The following OBSL1 variants were observed in gnomAD, a reference collection of about 807,000 sequenced individuals.
OBSL1 encodes obscurin-like protein 1.
OBSL1 carries 160 observed loss-of-function variants against 172.0 expected under a neutral mutation model. That is an observed-to-expected ratio of 0.93 (90% confidence interval 0.82 to 1.06). The LOEUF is 1.06. Among genes scored for constraint, OBSL1 ranks in the 50% least tolerant of loss-of-function variants. The probability of loss-of-function intolerance (pLI) is 0.00; values close to 1 mark genes in which losing one functional copy is unlikely to be tolerated. For synonymous variants in OBSL1, 1,200 were observed against 1,196.3 expected, an observed-to-expected ratio of 1.00 and a Z score of -0.06; for missense variants, 2,681 against 2,715.4, an observed-to-expected ratio of 0.99 and a Z score of 0.28.
At chr2:219,563,280 T>G in intron 7 of OBSL1, 75 bp downstream of exon 7, 1 of 1,417,348 alleles carries the variant, frequency 7.1e-7, no homozygotes, top group Non-Finnish European at 9.4e-7. Flanking sequence ...GGCCTGGGAG[T>G]GAAGGTGTGG....
rs767728612 is a variant in OBSL1, at chr2:219,557,864, G to GCTGCTCCAGACTGGCAGGTGTAGAGCC, written c.3722_3748dup (p.Gly1241_Ala1249dup). The GCTGCTCCAGACTGGCAGGTGTAGAGCC allele has an allele frequency of 1.0e-5, 16 of 1,601,040 alleles. No individual in the cohort carries two copies. In the East Asian group the frequency reaches 3.3e-4, roughly 33 times the overall value. On this transcript the variant is annotated inframe_insertion, in exon 11 of 21. Coordinates refer to ENST00000404537, the MANE Select transcript of OBSL1 (RefSeq NM_015311.3). ...GAAGCTGAGGCTTGGGGCTCCGGGG[G>GCTGCTCCAGACTGGCAGGTGTAGAGCC]CTGCTCCAGACTGGCAGGTGTAGAG...
At chr2:219,552,440 T>C (rs1477136617) in intron 18 of OBSL1, 96 bp downstream of exon 18, 2 of 1,301,184 alleles carry the variant, frequency 1.5e-6, no homozygotes, top group Non-Finnish European at 2.1e-6. Context: ...GCGGGGCCCG[T>C]CGGAGCCAGG....
At chr2:219,559,840 T>G (rs1159518846) in intron 8 of OBSL1, among the ~76,000 whole-genome samples, 2 of 152,130 alleles carry the variant, frequency 1.3e-5, no homozygotes, top group Non-Finnish European at 2.9e-5. Flanking sequence ...ATACAGAATC[T>G]TACAGATACA....
At chr2:219,553,509 C>T in intron 16 of OBSL1, 65 bp downstream of exon 16, 1 of 1,144,988 alleles carries the variant, frequency 8.7e-7, no homozygotes, top group Non-Finnish European at 1.3e-6. Flanking sequence ...TTAGCTGTTT[C>T]TGTCTGGGGC....
intron 8 of OBSL1, 85 bp downstream of exon 8, chr2:219,562,317 G>C (rs370018093): frequency 3.6e-5 from 54 of 1,511,830 alleles, no homozygotes; most frequent in African/African-American, 1.4e-5. Flanking sequence ...CCTCCTCCCC[G>C]GGGTGCTAGC....
chr2:219,570,298 T>C lies in OBSL1; in HGVS notation c.935A>G (p.Lys312Arg). 1 of 1,610,244 alleles carries C rather than the reference T, an allele frequency of 6.2e-7. No individual in the cohort carries two copies. The highest frequency in any genetic ancestry group is 2.2e-5 in the East Asian group (1 of 44,754). The stretch of plus-strand genomic sequence containing the variant: ...GGCGCAGACGTAGAGCCCACGATCC[T>C]TGGCCTGGCAGTAAAGCACCTTGAG... Reference protein sequence around the residue: ...FVLKVLYCQAKDRGLYVCAAR... With the variant: ...FVLKVLYCQARDRGLYVCAAR... Residue 312 changes from lysine to arginine, a missense_variant, in exon 1 of 21, where the codon AAG (lysine) becomes AGG (arginine). Lys to Arg is a conservative substitution (Grantham distance 26). Coordinates refer to ENST00000404537, the MANE Select transcript of OBSL1 (RefSeq NM_015311.3).
chr2:219,547,766 C>T, downstream of OBSL1: 1 of 1,594,636 alleles, frequency 6.3e-7, no homozygotes, highest in Non-Finnish European at 8.5e-7. Flanking sequence ...CTACTACCAG[C>T]CAGGCTCCGT....
In OBSL1 at chr2:219,550,737, G is replaced by A; in HGVS notation, c.*98C>T. On this transcript the variant is annotated 3_prime_UTR_variant, in exon 21 of 21. Coordinates refer to ENST00000404537, the MANE Select transcript of OBSL1 (RefSeq NM_015311.3). The stretch of plus-strand genomic sequence containing the variant: ...CAGAGAGGCAAGGAAATGAGCTGTA[G>A]CACTTTTATTGTTCCTTGTCTCTCT... 1 of 1,484,722 alleles carries A rather than the reference G, an allele frequency of 6.7e-7. No homozygotes were observed. Among genetic ancestry groups the A allele is most frequent in the Non-Finnish European group, 9.2e-7 (1 of 1,085,846 alleles). 92.0% of individuals were successfully genotyped at this position (1,484,722 alleles called of 1,614,324 possible). A position where few individuals can be genotyped will look rare whatever the true frequency, so the allele number is the denominator to read the frequency against.
At chr2:219,560,350 A>G (rs1696367063) in intron 8 of OBSL1, among the ~76,000 whole-genome samples, 1 of 152,184 alleles carries the variant, frequency 6.6e-6, no homozygotes, top group Non-Finnish European at 1.5e-5. Context: ...TTTGCATTCA[A>G]CGTCTGTCTG....
At position 219,568,294 on chromosome 2, in the gene OBSL1, T is replaced by A. The variant is rs747072111; in HGVS notation, c.1043A>T (p.Gln348Leu). Residue 348 changes from glutamine (Q) to leucine (L), a missense_variant, in exon 2 of 21, where the codon CAG (glutamine) becomes CTG (leucine). Around this residue, in one of 5 missense-constraint regions of OBSL1, gnomAD observed 706 missense variants for 695.8 expected, o/e 1.01. Coordinates refer to ENST00000404537, the MANE Select transcript of OBSL1 (RefSeq NM_015311.3). The surrounding 1 kb of genome is among the most constrained non-coding windows in gnomAD (Gnocchi z 4.1). ...EPRLRFTRPL[Q>L]DVEGREHGIA... is the part of the protein sequence containing the mutation. ...CCCGTGCTCACGGCCCTCCACGTCC[T>A]GCAGGGGCCGTGTGAACCGGAGGCG... 1.2e-6 allele frequency: 2 copies of A among 1,607,704 alleles called. No individual in the cohort carries two copies. Among genetic ancestry groups the A allele is most frequent in the Admixed American group, 3.4e-5 (2 of 59,062 alleles).
intron 9 of OBSL1, 127 bp downstream of exon 9, chr2:219,559,098 G>C (rs1375167843): frequency 3.2e-6 from 3 of 931,720 alleles, no homozygotes; most frequent in African/African-American, 1.6e-5. Flanking sequence ...GGATTCTGAT[G>C]GCCAAACATG....
chr2:219,558,403 C>T lies in OBSL1; in HGVS notation c.3283G>A (p.Ala1095Thr), dbSNP rs186692362. 1,098 of 1,604,396 alleles carry T rather than the reference C, an allele frequency of 6.8e-4. 7 individuals are homozygous for T. In the African/African-American group the frequency reaches 0.013, roughly 19 times the overall value. Residue 1095 changes from alanine to threonine, a missense_variant, in exon 10 of 21, where the codon GCT (alanine) becomes ACT (threonine). Physicochemically the swap from Ala to Thr is moderately conservative, Grantham distance 58. Coordinates refer to ENST00000404537, the MANE Select transcript of OBSL1 (RefSeq NM_015311.3). ...AARSLDLHFG[A>T]PGRVELRCEV... is the part of the protein sequence containing the mutation. ...CAGCGCAGCTCCACGCGCCCTGGAG[C>T]CCCAAAATGCAGATCCAGGGAGCGG...
At chr2:219,557,765 G>A in intron 11 of OBSL1, 58 bp downstream of exon 11, 1 of 1,558,810 alleles carries the variant, frequency 6.4e-7, no homozygotes, top group Admixed American at 2.0e-5. Context: ...CGCAGAGTTT[G>A]GGGTGCCACT....
chr2:219,554,364 T>C, intron 15 of OBSL1, 110 bp downstream of exon 15: 1 of 1,322,362 alleles, frequency 7.6e-7, no homozygotes, highest in Non-Finnish European at 1.1e-6. Flanking sequence ...AGGGCCACAC[T>C]GAGACAGGCA....
At position 219,557,347 on chromosome 2, in the gene OBSL1, C is replaced by T. The variant is rs191262899; in HGVS notation, c.4062G>A (p.Val1354=). 8.0e-6 allele frequency: 12 copies of T among 1,495,970 alleles called. No homozygotes were observed. The highest frequency in any genetic ancestry group is 1.1e-5 in the Non-Finnish European group (12 of 1,116,950). 92.7% of individuals were successfully genotyped at this position (1,495,970 alleles called of 1,614,324 possible). Residue 1354 remains valine (V), a synonymous_variant, in exon 12 of 21, where the codon GTG becomes GTA. Coordinates refer to ENST00000404537, the MANE Select transcript of OBSL1 (RefSeq NM_015311.3). ...GTGTGAGGGGTACACTGTTACCTTC[C>T]ACGCTGACAAGGAAGATGCGGCTGT... ...PQDSRIFLVS[V]EEPLLVKLVS...
Position 219,571,210 on chromosome 2 carries a change from T to A in OBSL1, c.23A>T (p.Gln8Leu). Reference protein sequence around the residue: MKASSGDQGSPPCFLRFP... With the variant: MKASSGDLGSPPCFLRFP... ...GCGCAGGAAGCACGGGGGGCTCCCC[T>A]GATCCCCCGAGCTCGCCTTCATCGC... The change falls in exon 1 of 21, where the codon CAG becomes CTG. Residue 8 changes from glutamine (Q) to leucine (L), a missense_variant. Around this residue, in one of 5 missense-constraint regions of OBSL1, gnomAD observed 90 missense variants for 76.6 expected, o/e 1.18. Coordinates refer to ENST00000404537, the MANE Select transcript of OBSL1 (RefSeq NM_015311.3). 1 of 1,394,030 alleles carries A rather than the reference T, an allele frequency of 7.2e-7. No individual in the cohort carries two copies. Among genetic ancestry groups the A allele is most frequent in the Non-Finnish European group, 9.4e-7 (1 of 1,067,318 alleles). The allele number at this position is 1,394,030 out of a possible 1,614,324, so 86.4% of individuals were successfully genotyped here. A position where few individuals can be genotyped will look rare whatever the true frequency, so the allele number is the denominator to read the frequency against.
chr2:219,559,185 T>C (rs1696269766), intron 9 of OBSL1, 40 bp downstream of exon 9: 2 of 1,554,382 alleles, frequency 1.3e-6, no homozygotes, highest in African/African-American at 1.4e-5. Flanking sequence ...CTTAGCCCCC[T>C]ACCTCTCTAC....
intron 7 of OBSL1, 127 bp downstream of exon 7, chr2:219,563,228 G>C (rs1696626617): frequency 2.1e-6 from 2 of 935,274 alleles, no homozygotes; most frequent in Non-Finnish European, 3.2e-6. Flanking sequence ...AAGGGAGGAG[G>C]TCCGATCTGC....
chr2:219,549,898 C>T, downstream of OBSL1: 1 of 1,591,536 alleles, frequency 6.3e-7, no homozygotes, highest in East Asian at 2.3e-5. Context: ...GCTCTGCCAG[C>T]TCGAGGAGGC....
Sources: allele counts gnomAD v4.1 joint callset (sites outside exome capture counted in the v4.1 genomes callset), GRCh38; gene constraint gnomAD v4.1.1; regional missense constraint gnomAD v4.1.1; non-coding constraint Gnocchi (gnomAD v3.1); transcripts MANE v1.5; gene names NCBI Gene and HGNC (gene_info 2026-07-23, HGNC 2026-07-21).